ZBTB20: variants seen among roughly 807,000 people sequenced by gnomAD.
The protein encoded by ZBTB20 is zinc finger and BTB domain-containing protein 20.
A neutral mutation model predicts 56.9 loss-of-function variants in ZBTB20; 9 were observed. That is an observed-to-expected ratio of 0.16 (90% confidence interval 0.10 to 0.28). The LOEUF is 0.28. Among genes scored for constraint, ZBTB20 ranks in the 10% least tolerant of loss-of-function variants. ZBTB20 has a pLI of 1.00. For missense variants in ZBTB20, 655 were observed against 1,003.0 expected (o/e 0.65, Z 4.69); for synonymous variants, 417 against 420.7 (o/e 0.99, Z 0.11).
intron 1 of ZBTB20, among the ~76,000 whole-genome samples, chr3:115,106,708 T>C (rs2083733519): frequency 6.6e-6 from 1 of 152,172 alleles, no homozygotes; most frequent in Non-Finnish European, 1.5e-5. Flanking sequence ...ACATGTAAAC[T>C]AAGTCATTGG....
chr3:114,437,635 C>CT (rs2090608491), intron 7 of ZBTB20, among the ~76,000 whole-genome samples: 1 of 152,108 alleles, frequency 6.6e-6, no homozygotes, highest in African/African-American at 2.4e-5. Flanking sequence ...GTTGAAGCAG[C>CT]TAACTAGAGC....
chr3:115,131,432 G>A (rs1031108408), intron 1 of ZBTB20, among the ~76,000 whole-genome samples: 88 of 152,238 alleles, frequency 5.8e-4, no homozygotes, highest in African/African-American at 1.9e-3. Flanking sequence ...CAGAAGATCT[G>A]AGATAGCTTT....
intron 6 of ZBTB20, among the ~76,000 whole-genome samples, chr3:114,507,764 A>G (rs2044807538): frequency 6.6e-6 from 1 of 152,154 alleles, no homozygotes; most frequent in South Asian, 2.1e-4. Flanking sequence ...ATAAAATTCT[A>G]TAAAATGTTC....
Position 115,129,401 on chromosome 3 carries a change from G to A in ZBTB20, c.-703+17818C>T, listed in dbSNP as rs73859721. 3.9e-3 allele frequency among the ~76,000 whole-genome samples: 588 copies of A among 152,146 alleles called. 3 individuals carry two copies. Among genetic ancestry groups the A allele is most frequent in the African/African-American group, 0.014 (562 of 41,496 alleles). ...TATAGTGTATTAAGATGATACTTAC[G>A]TTTCTTATTATAAAAGAACGTCTAA... On this transcript the variant is annotated intron_variant, in intron 1 of 11. Transcript: ENST00000675478.
intron 7 of ZBTB20, among the ~76,000 whole-genome samples, chr3:114,447,054 C>A (rs7630111): frequency 0.56 from 85,728 of 151,972 alleles, 28,026 homozygotes; most frequent in Non-Finnish European, 0.74. Flanking sequence ...CAATGTAACA[C>A]TGACAAAAAT....
At chr3:115,036,811 T>G (rs1394210719) in intron 2 of ZBTB20, among the ~76,000 whole-genome samples, 1 of 152,182 alleles carries the variant, frequency 6.6e-6, no homozygotes, top group East Asian at 1.9e-4. Context: ...AGCATTAACC[T>G]TTTTTCTAAT....
chr3:114,757,882 C>T (rs913122736), intron 5 of ZBTB20, among the ~76,000 whole-genome samples: 3 of 151,798 alleles, frequency 2.0e-5, no homozygotes, highest in African/African-American at 7.3e-5. Flanking sequence ...TGTGTGATTA[C>T]CAGATTTTCC....
intron 5 of ZBTB20, among the ~76,000 whole-genome samples, chr3:114,750,725 T>A (rs2067493149): frequency 6.6e-6 from 1 of 152,176 alleles, no homozygotes; most frequent in Admixed American, 6.5e-5. Flanking sequence ...GTATTGTGAA[T>A]CTCTGCAGCC....
intron 5 of ZBTB20, among the ~76,000 whole-genome samples, chr3:114,785,919 G>A (rs1225734628): frequency 2.6e-5 from 4 of 152,036 alleles, no homozygotes; most frequent in South Asian, 2.1e-4. Flanking sequence ...ACCCTTTGAC[G>A]AACTTCTCCT....
At chr3:114,426,074 G>A (rs1378601161) in intron 7 of ZBTB20, among the ~76,000 whole-genome samples, 5 of 152,084 alleles carry the variant, frequency 3.3e-5, no homozygotes, top group Non-Finnish European at 5.9e-5. Context: ...GGTGGCTCAC[G>A]CCTGTAATCC....
chr3:115,107,119 GA>G (rs2083745454), intron 1 of ZBTB20, among the ~76,000 whole-genome samples: 1 of 152,174 alleles, frequency 6.6e-6, no homozygotes, highest in South Asian at 2.1e-4. Flanking sequence ...ATGTTTGAAA[GA>G]ATTTCACAAT....
At chr3:115,110,094 C>T (rs761903411) in intron 1 of ZBTB20, among the ~76,000 whole-genome samples, 1 of 152,068 alleles carries the variant, frequency 6.6e-6, no homozygotes, top group Non-Finnish European at 1.5e-5. Flanking sequence ...TACCTGTAAT[C>T]CCAGCTACTC....
chr3:114,386,685 C>T (rs1232017333), intron 8 of ZBTB20, among the ~76,000 whole-genome samples: 1 of 152,102 alleles, frequency 6.6e-6, no homozygotes, highest in Non-Finnish European at 1.5e-5. Context: ...AGCCCAAGGA[C>T]AAGAGAGCCT....
chr3:115,055,187 A>ATCTCTCTCTCCCTC (rs2081716780), intron 2 of ZBTB20, among the ~76,000 whole-genome samples: 1 of 103,142 alleles, frequency 9.7e-6, no homozygotes, highest in Non-Finnish European at 1.9e-5. Context: ...CCTCCTGGTA[A>ATCTCTCTCTCCCTC]TCTCTCTCTC....
chr3:115,146,945 G>A (rs529798161), intron 1 of ZBTB20, among the ~76,000 whole-genome samples: 8 of 150,986 alleles, frequency 5.3e-5, no homozygotes, highest in South Asian at 2.1e-4. Context: ...CGGGTCGGGC[G>A]AGGCAGCCGC....
At chr3:114,548,237 G>A (rs1328631568) in intron 6 of ZBTB20, among the ~76,000 whole-genome samples, 1 of 152,196 alleles carries the variant, frequency 6.6e-6, no homozygotes, top group Non-Finnish European at 1.5e-5. Context: ...CAGGAGAAAG[G>A]AAAACTCACA....
intron 6 of ZBTB20, among the ~76,000 whole-genome samples, chr3:114,605,717 G>T (rs775570956): frequency 1.3e-5 from 2 of 152,088 alleles, no homozygotes; most frequent in Non-Finnish European, 2.9e-5. Flanking sequence ...TTAATGAGGA[G>T]GCTCAATAAC....
intron 5 of ZBTB20, among the ~76,000 whole-genome samples, chr3:114,694,271 T>C (rs1381880737): frequency 1.3e-5 from 2 of 152,100 alleles, no homozygotes; most frequent in African/African-American, 4.8e-5. Context: ...AAAAAGCTTC[T>C]ACTGTGGAGC....
chr3:114,991,318 T>C (rs1006850384), intron 2 of ZBTB20, among the ~76,000 whole-genome samples: 2 of 152,174 alleles, frequency 1.3e-5, no homozygotes, highest in South Asian at 2.1e-4. Context: ...TTTGTTCTCA[T>C]TGGTTTCAAA....
Sources: gnomAD v4.1 joint callset for allele counts (sites outside exome capture counted in the v4.1 genomes callset) on GRCh38, gnomAD v4.1.1 for gene constraint, MANE v1.5 for transcripts, NCBI Gene and HGNC (gene_info 2026-07-23, HGNC 2026-07-21) for gene names.